The following ARHGAP10 variants were observed in gnomAD, a reference collection of about 807,000 sequenced individuals.
ARHGAP10 encodes rho GTPase-activating protein 10.
In ARHGAP10, 87 loss-of-function variants were observed where a neutral mutation model predicts 108.6. The observed-to-expected ratio is 0.80, with a 90% CI of 0.67 to 0.96. The LOEUF (loss-of-function observed/expected upper bound fraction) is 0.96. Among genes scored for constraint, ARHGAP10 ranks in the 40% least tolerant of loss-of-function variants. The probability of loss-of-function intolerance (pLI) is 0.00; values close to 1 mark genes in which losing one functional copy is unlikely to be tolerated. For missense variants in ARHGAP10, 939 were observed against 954.5 expected (o/e 0.98, Z 0.21); for synonymous variants, 347 against 341.1 (o/e 1.02, Z -0.19).
At chr4:147,874,142 ACCCTTGGCAGC>A (rs1240051568) in intron 7 of ARHGAP10, among the ~76,000 whole-genome samples, 4 of 152,130 alleles carry the variant, frequency 2.6e-5, no homozygotes, top group Non-Finnish European at 4.4e-5. Context: ...CACGCTTAGG[ACCCTTGGCAGC>A]CCCTTTTATT....
At chr4:147,755,479 C>T (rs1361895783) in intron 1 of ARHGAP10, among the ~76,000 whole-genome samples, 10 of 152,058 alleles carry the variant, frequency 6.6e-5, no homozygotes, top group African/African-American at 2.2e-4. Flanking sequence ...GCCGAGATCA[C>T]GCCATTGCAC....
intron 13 of ARHGAP10, among the ~76,000 whole-genome samples, chr4:147,939,578 C>T (rs568615859): frequency 6.6e-6 from 1 of 152,302 alleles, no homozygotes; most frequent in Admixed American, 6.5e-5. Flanking sequence ...AACTAACTTA[C>T]TAACATTGAG....
chr4:147,780,349 C>T (rs1412378553), intron 1 of ARHGAP10, among the ~76,000 whole-genome samples: 2 of 152,074 alleles, frequency 1.3e-5, no homozygotes, highest in Non-Finnish European at 1.5e-5. Flanking sequence ...TATCTAGCTA[C>T]ACCCCAACTT....
chr4:147,750,958 G>A (rs973977899), intron 1 of ARHGAP10, among the ~76,000 whole-genome samples: 10 of 151,838 alleles, frequency 6.6e-5, no homozygotes, highest in Non-Finnish European at 7.4e-5. Flanking sequence ...TGGGCAGGTC[G>A]CGTGAGGTCA....
At chr4:148,071,432 GT>G (rs2149696255) in intron 22 of ARHGAP10, among the ~76,000 whole-genome samples, 1 of 152,292 alleles carries the variant, frequency 6.6e-6, no homozygotes, top group East Asian at 1.9e-4. Context: ...GCTGGCCAAT[GT>G]GGTGAAACCC....
intron 18 of ARHGAP10, among the ~76,000 whole-genome samples, chr4:147,989,689 T>C (rs1277151852): frequency 1.3e-5 from 2 of 152,256 alleles, no homozygotes; most frequent in Non-Finnish European, 2.9e-5. Context: ...GAACAATTGC[T>C]CTTATCTTGT....
chr4:148,062,917 C>T lies in ARHGAP10; in HGVS notation c.2028-231C>T, dbSNP rs562127376. 9.9e-5 allele frequency among the ~76,000 whole-genome samples: 15 copies of T among 152,180 alleles called. No individual in the cohort carries two copies. The South Asian group carries it at 2.7e-3, about 27-fold the overall frequency. On this transcript the variant is annotated intron_variant, in intron 20 of 22. Transcript: ENST00000336498. ...CTAGCAGGTTGGACAGATTGGAGAA[C>T]CTGGAGAAGGACAGTAAGACAGCTT...
intron 19 of ARHGAP10, 80 bp downstream of exon 19, chr4:148,023,493 T>C: frequency 7.2e-7 from 1 of 1,382,714 alleles, no homozygotes; most frequent in East Asian, 2.4e-5. Flanking sequence ...AGGCCACAGT[T>C]TTCTGTCATC....
intron 18 of ARHGAP10, among the ~76,000 whole-genome samples, chr4:148,004,395 T>G (rs1165839715): frequency 2.6e-5 from 4 of 152,214 alleles, no homozygotes; most frequent in African/African-American, 9.6e-5. Flanking sequence ...TAAATAGTGA[T>G]AGTGATTGTG....
intron 18 of ARHGAP10, among the ~76,000 whole-genome samples, chr4:147,997,115 AT>A (rs1740506629): frequency 6.6e-6 from 1 of 152,244 alleles, no homozygotes; most frequent in African/African-American, 2.4e-5. Flanking sequence ...ATGGGAAGAG[AT>A]TCAAGAAGTT....
intron 1 of ARHGAP10, among the ~76,000 whole-genome samples, chr4:147,807,901 G>A (rs114546049): frequency 0.012 from 1,846 of 152,296 alleles, 33 homozygotes; most frequent in African/African-American, 0.042. Flanking sequence ...GAAGGTCCTC[G>A]TCCTCCTTTG....
At chr4:147,946,783 A>C in intron 15 of ARHGAP10, 79 bp downstream of exon 15, 2 of 1,087,494 alleles carry the variant, frequency 1.8e-6, no homozygotes, top group South Asian at 2.5e-5. Context: ...TTGTGTACAT[A>C]AATATCAATA....
At chr4:148,042,956 A>G (rs1329601439) in intron 19 of ARHGAP10, among the ~76,000 whole-genome samples, 1 of 151,804 alleles carries the variant, frequency 6.6e-6, no homozygotes, top group Non-Finnish European at 1.5e-5. Flanking sequence ...TGCTGATGCT[A>G]TTTCTTGTGG....
chr4:147,775,411 A>G (rs1008531953), intron 1 of ARHGAP10, among the ~76,000 whole-genome samples: 1 of 152,160 alleles, frequency 6.6e-6, no homozygotes, highest in African/African-American at 2.4e-5. Context: ...GGCTGCTAGG[A>G]GAAAGCAATA....
chr4:148,013,972 C>CT (rs1167461531), intron 18 of ARHGAP10, among the ~76,000 whole-genome samples: 2 of 152,064 alleles, frequency 1.3e-5, no homozygotes, highest in African/African-American at 4.8e-5. Flanking sequence ...TTCTGTGCTG[C>CT]TAGTGGCACC....
intron 4 of ARHGAP10, among the ~76,000 whole-genome samples, chr4:147,850,086 A>G (rs1361473864): frequency 6.6e-6 from 1 of 151,778 alleles, no homozygotes; most frequent in Non-Finnish European, 1.5e-5. Context: ...ACCAACCAGC[A>G]CTCTGTGTCT....
intron 10 of ARHGAP10, among the ~76,000 whole-genome samples, chr4:147,902,507 C>T (rs1176891746): frequency 2.0e-5 from 3 of 152,180 alleles, no homozygotes; most frequent in African/African-American, 7.2e-5. Flanking sequence ...GTGGGCCGAT[C>T]ACCTTGTCAG....
At chr4:147,793,794 A>G (rs1731214004) in intron 1 of ARHGAP10, among the ~76,000 whole-genome samples, 1 of 152,204 alleles carries the variant, frequency 6.6e-6, no homozygotes, top group Non-Finnish European at 1.5e-5. Context: ...CCCCCTTAAC[A>G]GTAAGCTTCT....
intron 10 of ARHGAP10, among the ~76,000 whole-genome samples, chr4:147,898,255 T>C (rs1736080116): frequency 6.6e-6 from 1 of 152,142 alleles, no homozygotes; most frequent in South Asian, 2.1e-4. Context: ...AAAATGTCTT[T>C]TATATTGCCT....
Sources: allele counts gnomAD v4.1 joint callset (sites outside exome capture counted in the v4.1 genomes callset), GRCh38; gene constraint gnomAD v4.1.1; transcripts MANE v1.5; gene names NCBI Gene and HGNC (gene_info 2026-07-23, HGNC 2026-07-21).